EYA1: variants seen among roughly 807,000 people sequenced by gnomAD.
EYA1 encodes EYA transcriptional coactivator and phosphatase 1, also known as protein phosphatase EYA1.
EYA1 carries 16 observed loss-of-function variants against 82.0 expected under a neutral mutation model. The ratio of observed to expected loss-of-function variants is 0.20; its 90% CI spans 0.13 to 0.30. The LOEUF (loss-of-function observed/expected upper bound fraction) is 0.30, where lower values mean the gene tolerates loss of function less well. EYA1 is among the 10% of genes least tolerant of loss of function. The pLI is 1.00. For missense variants in EYA1, 633 were observed against 730.7 expected, an observed-to-expected ratio of 0.87 and a Z score of 1.54; for synonymous variants, 261 against 264.4, an observed-to-expected ratio of 0.99 and a Z score of 0.12.
intron 2 of EYA1, among the ~76,000 whole-genome samples, chr8:71,466,348 G>A (rs1425783649): frequency 2.0e-5 from 3 of 151,908 alleles, no homozygotes; most frequent in African/African-American, 7.2e-5. Flanking sequence ...AAGTTTTTTT[G>A]AAAAGCTTTT....
intron 2 of EYA1, among the ~76,000 whole-genome samples, chr8:71,522,613 T>C (rs1001418283): frequency 2.7e-5 from 4 of 148,964 alleles, no homozygotes; most frequent in Non-Finnish European, 4.5e-5. Flanking sequence ...CTGCTATCAA[T>C]ACAAACTTTT....
intron 4 of EYA1, 53 bp downstream of exon 4, chr8:71,334,044 A>G: frequency 7.9e-7 from 1 of 1,258,628 alleles, no homozygotes; most frequent in Non-Finnish European, 1.2e-6. Flanking sequence ...TTACATGAAT[A>G]AACTAGAAAA....
At chr8:71,273,985 T>C (rs969110703) in intron 9 of EYA1, among the ~76,000 whole-genome samples, 38 of 152,370 alleles carry the variant, frequency 2.5e-4, no homozygotes, top group African/African-American at 9.1e-4. Flanking sequence ...ATCCCCACTT[T>C]AAAAACTCAA....
intron 2 of EYA1, among the ~76,000 whole-genome samples, chr8:71,380,058 T>G (rs1828608102): frequency 6.6e-6 from 1 of 152,180 alleles, no homozygotes; most frequent in African/African-American, 2.4e-5. Flanking sequence ...TCACAGACTC[T>G]TCTTGCACGA....
At chr8:71,279,496 G>A (rs1034970286) in intron 9 of EYA1, among the ~76,000 whole-genome samples, 1 of 152,212 alleles carries the variant, frequency 6.6e-6, no homozygotes, top group African/African-American at 2.4e-5. Flanking sequence ...TCCCCATAGG[G>A]AAGCAGATGC....
intron 11 of EYA1, among the ~76,000 whole-genome samples, chr8:71,245,117 T>A (rs1252059133): frequency 6.6e-6 from 1 of 152,188 alleles, no homozygotes; most frequent in Non-Finnish European, 1.5e-5. Flanking sequence ...ATAGATACAC[T>A]ATAGCAAGCT....
chr8:71,493,677 A>T (rs1563671368), intron 2 of EYA1, among the ~76,000 whole-genome samples: 1 of 151,814 alleles, frequency 6.6e-6, no homozygotes, highest in Non-Finnish European at 1.5e-5. Flanking sequence ...TATATATTAT[A>T]TATTATATTT....
chr8:71,304,905 G>T (rs1055727125), intron 7 of EYA1, among the ~76,000 whole-genome samples: 1 of 142,746 alleles, frequency 7.0e-6, no homozygotes, highest in African/African-American at 2.5e-5. Flanking sequence ...AAACAACAAT[G>T]CTCATGCTCC....
intron 1 of EYA1, among the ~76,000 whole-genome samples, chr8:71,540,156 T>C (rs1333345547): frequency 6.6e-6 from 1 of 152,168 alleles, no homozygotes; most frequent in African/African-American, 2.4e-5. Flanking sequence ...TGTGCATTCC[T>C]GCCATAATTT....
chr8:71,285,285 T>C (rs1370404957), intron 9 of EYA1, among the ~76,000 whole-genome samples: 1 of 152,174 alleles, frequency 6.6e-6, no homozygotes, highest in Non-Finnish European at 1.5e-5. Context: ...AGGCAAGTAA[T>C]TAGATGAACA....
intron 2 of EYA1, among the ~76,000 whole-genome samples, chr8:71,443,660 C>T (rs1187587229): frequency 6.6e-6 from 1 of 152,148 alleles, no homozygotes; most frequent in Non-Finnish European, 1.5e-5. Flanking sequence ...ACTCACATTT[C>T]CAAGAGTAAT....
At chr8:71,439,084 G>A (rs977114486) in intron 2 of EYA1, among the ~76,000 whole-genome samples, 1 of 152,098 alleles carries the variant, frequency 6.6e-6, no homozygotes, top group African/African-American at 2.4e-5. Flanking sequence ...GATATGGGGG[G>A]CCCTATTCAG....
intron 3 of EYA1, among the ~76,000 whole-genome samples, chr8:71,335,259 G>A (rs1230766229): frequency 6.6e-6 from 1 of 152,128 alleles, no homozygotes; most frequent in Non-Finnish European, 1.5e-5. Context: ...AATACATTTT[G>A]AAGCGGGAAA....
chr8:71,251,717 A>G (rs991776368), intron 11 of EYA1, among the ~76,000 whole-genome samples: 1 of 152,184 alleles, frequency 6.6e-6, no homozygotes, highest in African/African-American at 2.4e-5. Context: ...CCATTGCCTC[A>G]AGATCTCTTT....
chr8:71,291,233 C>T (rs1161608338), intron 9 of EYA1, among the ~76,000 whole-genome samples: 2 of 152,212 alleles, frequency 1.3e-5, no homozygotes, highest in East Asian at 3.9e-4. Flanking sequence ...ACCTGTCACA[C>T]TGAGTTCCTC....
intron 2 of EYA1, among the ~76,000 whole-genome samples, chr8:71,447,653 A>G (rs766806138): frequency 6.6e-6 from 1 of 152,252 alleles, no homozygotes; most frequent in Non-Finnish European, 1.5e-5. Context: ...AAAAGTGAAT[A>G]TTGCAATAAA....
chr8:71,484,504 T>C (rs1288273514), intron 2 of EYA1, among the ~76,000 whole-genome samples: 1 of 152,202 alleles, frequency 6.6e-6, no homozygotes, highest in Non-Finnish European at 1.5e-5. Flanking sequence ...TCTAATGCTA[T>C]AGTGAGGAAT....
intron 1 of EYA1, among the ~76,000 whole-genome samples, chr8:71,358,575 C>T (rs1208665282): frequency 6.6e-6 from 1 of 152,160 alleles, no homozygotes; most frequent in African/African-American, 2.4e-5. Context: ...AATAAATCTA[C>T]TCTCAAGAAT....
chr8:71,321,314 A>C (rs1822514501), intron 6 of EYA1, among the ~76,000 whole-genome samples: 1 of 152,204 alleles, frequency 6.6e-6, no homozygotes, highest in African/African-American at 2.4e-5. Flanking sequence ...GTTTAAAGCA[A>C]GAGTTTGTTG....
Sources: allele counts gnomAD v4.1 joint callset (sites outside exome capture counted in the v4.1 genomes callset), GRCh38; gene constraint gnomAD v4.1.1; transcripts MANE v1.5; gene names NCBI Gene and HGNC (gene_info 2026-07-23, HGNC 2026-07-21).